TFEC: variants seen among roughly 807,000 people sequenced by gnomAD.
The protein encoded by TFEC is transcription factor EC, also known as class E basic helix-loop-helix protein 34.
In TFEC, 31 loss-of-function variants were observed where a neutral mutation model predicts 41.6. The observed-to-expected ratio is 0.74, with a 90% CI of 0.56 to 1.01. TFEC has a LOEUF of 1.01. Among genes scored for constraint, TFEC ranks in the 50% least tolerant of loss-of-function variants. TFEC has a pLI of 0.00. For synonymous variants in TFEC, 143 were observed against 140.6 expected (o/e 1.02, Z -0.12); for missense variants, 402 against 404.1 (o/e 0.99, Z 0.04).
At chr7:115,994,436 A>G (rs1401308404) in intron 1 of TFEC, among the ~76,000 whole-genome samples, 1 of 152,218 alleles carries the variant, frequency 6.6e-6, no homozygotes, top group African/African-American at 2.4e-5. Flanking sequence ...AGAATGGGAG[A>G]AAATTTTTAC....
At chr7:116,105,422 G>A (rs543723460) in intron 3 of TFEC, among the ~76,000 whole-genome samples, 2 of 152,288 alleles carry the variant, frequency 1.3e-5, no homozygotes, top group South Asian at 4.1e-4. Context: ...CTACCTAGGT[G>A]CCTCTTCAAA....
At chr7:115,979,576 G>A (rs2103131) in intron 2 of TFEC, among the ~76,000 whole-genome samples, 15,226 of 152,048 alleles carry the variant, frequency 0.1, 1,111 homozygotes, top group East Asian at 0.38. Flanking sequence ...CTTATTGACC[G>A]TTCTAAGTTC....
At chr7:115,956,961 A>G (rs924758412) in intron 3 of TFEC, among the ~76,000 whole-genome samples, 168 bp from the exon 4 acceptor site, 5 of 151,968 alleles carry the variant, frequency 3.3e-5, no homozygotes, top group Non-Finnish European at 7.4e-5. Flanking sequence ...AACTTTTTAA[A>G]AGATGCATTA....
chr7:116,032,499 T>G (rs1248070775), upstream of TFEC, among the ~76,000 whole-genome samples: 1 of 151,974 alleles, frequency 6.6e-6, no homozygotes, highest in East Asian at 1.9e-4. Context: ...TACTATACAG[T>G]CATAAAAAAG....
chr7:116,103,353 T>A (rs1422422011), intron 3 of TFEC, among the ~76,000 whole-genome samples: 1 of 152,172 alleles, frequency 6.6e-6, no homozygotes, highest in Non-Finnish European at 1.5e-5. Flanking sequence ...CCAAAGCTGC[T>A]GCTTACACAG....
chr7:116,037,031 G>A (rs1013737481), intron 3 of TFEC, among the ~76,000 whole-genome samples: 23 of 152,076 alleles, frequency 1.5e-4, no homozygotes, highest in Non-Finnish European at 3.1e-4. Flanking sequence ...CGCACTTTTG[G>A]AAATGGACTC....
intron 3 of TFEC, among the ~76,000 whole-genome samples, chr7:115,957,805 C>G (rs1196033639): frequency 6.6e-6 from 1 of 151,644 alleles, no homozygotes; most frequent in Non-Finnish European, 1.5e-5. Flanking sequence ...ACTTCACAAC[C>G]CACTTTTTGC....
intron 1 of TFEC, among the ~76,000 whole-genome samples, chr7:116,153,980 C>T (rs1011321338): frequency 6.6e-6 from 1 of 152,146 alleles, no homozygotes; most frequent in Admixed American, 6.5e-5. Flanking sequence ...ATGTCTGTGA[C>T]CCATCTCTTA....
chr7:115,963,916 A>C lies in TFEC; in HGVS notation c.268-7123T>G, dbSNP rs1026771011. Among the ~76,000 whole-genome samples the C allele has an allele frequency of 1.4e-4, 22 of 151,810 alleles. 1 individual carries two copies. The highest frequency in any genetic ancestry group is 1.3e-3 in the Admixed American group (20 of 15,182). On this transcript the variant is annotated intron_variant, in intron 3 of 7. Transcript: ENST00000265440. ...AAAAATGTTTAGAATGGTAAATTTT[A>C]TGTTACTTATATTTTACCCCAATAT...
chr7:115,950,015 C>CTTT (rs10684805), intron 6 of TFEC, among the ~76,000 whole-genome samples: 4,433 of 141,864 alleles, frequency 0.031, 244 homozygotes, highest in African/African-American at 0.098. Context: ...CATGTTTTCA[C>CTTT]TTTTTTTTTT....
At chr7:116,052,985 C>T (rs952554714) in intron 3 of TFEC, among the ~76,000 whole-genome samples, 3 of 151,554 alleles carry the variant, frequency 2.0e-5, no homozygotes, top group Admixed American at 1.3e-4. Context: ...GGCAGGAGAA[C>T]GGCATGAACC....
intron 3 of TFEC, among the ~76,000 whole-genome samples, chr7:116,086,810 A>G (rs1360376906): frequency 6.6e-6 from 1 of 151,910 alleles, no homozygotes; most frequent in Non-Finnish European, 1.5e-5. Flanking sequence ...AACAGCTTAT[A>G]CTTAAATAGA....
rs551838348 is a variant in TFEC, at chr7:116,117,005, C to A, written c.-68-4967G>T. On this transcript the variant is annotated intron_variant, in intron 1 of 8. Transcript: ENST00000484212. ...AAACAAATGTAATAACATCTTTTAACCAAAAAATAAACAGAAAAAGAGGAT... is the reference window on the plus strand; with the variant it reads ...AAACAAATGTAATAACATCTTTTAAACAAAAAATAAACAGAAAAAGAGGAT... Among the ~76,000 whole-genome samples the A allele has an allele frequency of 5.9e-5, 9 of 151,694 alleles. No homozygotes were observed. In the East Asian group the frequency reaches 1.8e-3, roughly 30 times the overall value.
chr7:116,129,035 A>G (rs893503899), intron 1 of TFEC, among the ~76,000 whole-genome samples: 1 of 151,872 alleles, frequency 6.6e-6, no homozygotes, highest in African/African-American at 2.4e-5. Context: ...CAAAGTCCAG[A>G]CATGTACTGT....
intron 3 of TFEC, among the ~76,000 whole-genome samples, chr7:115,958,565 G>A (rs767507475): frequency 1.3e-5 from 2 of 151,818 alleles, no homozygotes; most frequent in African/African-American, 4.8e-5. Context: ...AGGAAGAAAA[G>A]GAGCCATATT....
At chr7:116,113,743 A>G (rs17302917) in intron 1 of TFEC, among the ~76,000 whole-genome samples, 4,489 of 152,176 alleles carry the variant, frequency 0.029, 73 homozygotes, top group Middle Eastern at 0.041. Flanking sequence ...AGTTGCTAAA[A>G]TTGCCATTTC....
At chr7:115,964,792 GAAGAA>G (rs1340638073) in intron 3 of TFEC, among the ~76,000 whole-genome samples, 1 of 151,590 alleles carries the variant, frequency 6.6e-6, no homozygotes, top group Admixed American at 6.6e-5. Flanking sequence ...TAAGGTAAGA[GAAGAA>G]AAGTGCTATG....
At chr7:116,144,813 G>C (rs1376380279) in intron 1 of TFEC, among the ~76,000 whole-genome samples, 7 of 152,188 alleles carry the variant, frequency 4.6e-5, no homozygotes, top group Non-Finnish European at 2.9e-5. Context: ...TCCTACTTCA[G>C]TTTCTCATCT....
At chr7:116,014,929 T>C (rs1562934040) in intron 1 of TFEC, among the ~76,000 whole-genome samples, 1 of 152,036 alleles carries the variant, frequency 6.6e-6, no homozygotes, top group East Asian at 1.9e-4. Flanking sequence ...CCAACAAGGA[T>C]CTAAACCCTC....
Sources: gnomAD v4.1 joint callset for allele counts (sites outside exome capture counted in the v4.1 genomes callset) on GRCh38, gnomAD v4.1.1 for gene constraint, MANE v1.5 for transcripts, NCBI Gene and HGNC (gene_info 2026-07-23, HGNC 2026-07-21) for gene names.